The following FAM81A variants were observed in gnomAD, a reference collection of about 807,000 sequenced individuals.
FAM81A encodes protein FAM81A.
In FAM81A, 19 loss-of-function variants were observed where a neutral mutation model predicts 46.7. The observed-to-expected ratio is 0.41, with a 90% CI of 0.28 to 0.60. The LOEUF (loss-of-function observed/expected upper bound fraction) is 0.60. Among genes scored for constraint, FAM81A ranks in the 20% least tolerant of loss-of-function variants. The pLI, the probability that FAM81A is intolerant of heterozygous loss-of-function variation, is 0.34. For missense variants in FAM81A, 377 were observed against 453.5 expected, an observed-to-expected ratio of 0.83 and a Z score of 1.53; for synonymous variants, 183 against 152.9, an observed-to-expected ratio of 1.20 and a Z score of -1.45.
At chr15:59,415,842 C>A (rs1226656979) in intron 2 of FAM81A, among the ~76,000 whole-genome samples, 1 of 152,158 alleles carries the variant, frequency 6.6e-6, no homozygotes, top group Non-Finnish European at 1.5e-5. Flanking sequence ...CTCTCCTATA[C>A]CTCTTGCTAC....
At chr15:59,495,267 C>G (rs2141769028) in intron 4 of FAM81A, among the ~76,000 whole-genome samples, 1 of 152,312 alleles carries the variant, frequency 6.6e-6, no homozygotes, top group African/African-American at 2.4e-5. Context: ...CTCTTCTGAG[C>G]ATTTCGAGTG....
intron 3 of FAM81A, among the ~76,000 whole-genome samples, chr15:59,471,852 C>G (rs1248025774): frequency 1.3e-5 from 2 of 152,116 alleles, no homozygotes; most frequent in African/African-American, 4.8e-5. Flanking sequence ...GACAAGGATT[C>G]ACTCAGAATT....
At chr15:59,507,091 C>T in intron 4 of FAM81A, 122 bp from the exon 5 acceptor site, 1 of 1,290,302 alleles carries the variant, frequency 7.8e-7, no homozygotes. Context: ...AACCTCTGTT[C>T]AAAAGAATGA....
intron 3 of FAM81A, among the ~76,000 whole-genome samples, chr15:59,479,755 A>T (rs2081826091): frequency 6.6e-6 from 1 of 151,910 alleles, no homozygotes; most frequent in Non-Finnish European, 1.5e-5. Context: ...AGCTGGGGGA[A>T]GGGCAGCCCG....
chr15:59,409,443 G>A (rs2081111025), intron 2 of FAM81A, among the ~76,000 whole-genome samples: 1 of 152,078 alleles, frequency 6.6e-6, no homozygotes, highest in South Asian at 2.1e-4. Context: ...TGACCATGTG[G>A]TTCATTCCAA....
At chr15:59,408,099 G>A (rs538188822) in intron 2 of FAM81A, 77 of 161,744 alleles carry the variant, frequency 4.8e-4, no homozygotes, top group African/African-American at 1.5e-3. Context: ...CTGCTTCTTC[G>A]CGACAGCAGC....
intron 1 of FAM81A, among the ~76,000 whole-genome samples, chr15:59,455,811 C>T (rs1488041248): frequency 6.6e-6 from 1 of 152,092 alleles, no homozygotes; most frequent in Non-Finnish European, 1.5e-5. Flanking sequence ...TGCCAAAGTC[C>T]CCATTCTTTC....
At chr15:59,405,358 A>G (rs1223703947) in intron 2 of FAM81A, among the ~76,000 whole-genome samples, 3 of 152,110 alleles carry the variant, frequency 2.0e-5, no homozygotes, top group Admixed American at 2.0e-4. Flanking sequence ...GCTAAGAATT[A>G]GACCGGGCTC....
At chr15:59,511,528 C>T (rs1159590903) in intron 6 of FAM81A, among the ~76,000 whole-genome samples, 1 of 152,216 alleles carries the variant, frequency 6.6e-6, no homozygotes, top group African/African-American at 2.4e-5. Context: ...TGAAGTAGTA[C>T]AACCACTCTA....
intron 3 of FAM81A, among the ~76,000 whole-genome samples, chr15:59,468,123 G>A (rs2081638167): frequency 6.6e-6 from 1 of 152,126 alleles, no homozygotes. Context: ...GTATTTTATT[G>A]AGGATTTTCA....
At chr15:59,421,707 CTA>C (rs751065225) in intron 2 of FAM81A, among the ~76,000 whole-genome samples, 1 of 100,462 alleles carries the variant, frequency 1.0e-5, no homozygotes, top group Non-Finnish European at 2.5e-5. Flanking sequence ...AACCCTTAAA[CTA>C]TCTATCTGTC....
intron 2 of FAM81A, among the ~76,000 whole-genome samples, chr15:59,421,045 A>G (rs2081168753): frequency 6.6e-6 from 1 of 152,080 alleles, no homozygotes. Context: ...AACGTGCTCT[A>G]CTGTGTTCTG....
At chr15:59,492,626 A>G (rs565197578) in intron 4 of FAM81A, among the ~76,000 whole-genome samples, 3 of 152,178 alleles carry the variant, frequency 2.0e-5, no homozygotes, top group Admixed American at 6.5e-5. Flanking sequence ...TGATGGGAGA[A>G]CTCACTCAGC....
intron 3 of FAM81A, among the ~76,000 whole-genome samples, chr15:59,465,663 A>G (rs1011615269): frequency 6.6e-6 from 1 of 152,016 alleles, no homozygotes; most frequent in Non-Finnish European, 1.5e-5. Flanking sequence ...AGTGCAGAGA[A>G]CATCCTTTTT....
In FAM81A at chr15:59,401,879, C is replaced by G. The variant is rs150983818; in HGVS notation, c.-160-397C>G. On this transcript the variant is annotated intron_variant, in intron 1 of 4. Coordinates refer to the FAM81A transcript ENST00000558348. ...GGTAAGGCTTAGCCTTGAGACCAAT[C>G]ATTTTCTTTGCCTTCTTTGAACATT... The G allele has an allele frequency of 8.5e-4, 645 of 762,262 alleles. 2 individuals are homozygous for G. The highest frequency in any genetic ancestry group is 2.9e-3 in the Middle Eastern group (8 of 2,730). The allele number at this position is 762,262 out of a possible 1,614,324, so 47.2% of individuals were successfully genotyped here. A position where few individuals can be genotyped will look rare whatever the true frequency, so the allele number is the denominator to read the frequency against.
upstream of FAM81A, among the ~76,000 whole-genome samples, chr15:59,437,023 A>G (rs1442117963): frequency 6.6e-6 from 1 of 152,248 alleles, no homozygotes; most frequent in Non-Finnish European, 1.5e-5. Context: ...TGTTGGCTGA[A>G]TGAATGTTAC....
chr15:59,427,652 G>A (rs751375850), intron 2 of FAM81A, among the ~76,000 whole-genome samples: 20 of 152,162 alleles, frequency 1.3e-4, no homozygotes, highest in African/African-American at 4.8e-4. Context: ...GTGAGAACAT[G>A]CAAAGTTTGT....
chr15:59,410,023 C>T (rs920557198), intron 2 of FAM81A, among the ~76,000 whole-genome samples: 4 of 152,042 alleles, frequency 2.6e-5, no homozygotes, highest in Non-Finnish European at 5.9e-5. Context: ...TAGTGCAGGC[C>T]GGGCATTGTG....
chr15:59,491,339 C>G (rs2081978918), intron 3 of FAM81A, among the ~76,000 whole-genome samples: 1 of 152,030 alleles, frequency 6.6e-6, no homozygotes, highest in South Asian at 2.1e-4. Context: ...TTCGCATGTT[C>G]TCACTCACTT....
Sources: gnomAD v4.1 joint callset for allele counts (sites outside exome capture counted in the v4.1 genomes callset) on GRCh38, gnomAD v4.1.1 for gene constraint, MANE v1.5 for transcripts, NCBI Gene and HGNC (gene_info 2026-07-23, HGNC 2026-07-21) for gene names.